The following PPP2R5B variants were observed in gnomAD, a reference collection of about 807,000 sequenced individuals.
The protein encoded by PPP2R5B is protein phosphatase 2 regulatory subunit B'beta, also known as serine/threonine-protein phosphatase 2A 56 kDa regulatory subunit beta isoform.
Under a neutral mutation model 59.9 loss-of-function variants are expected in PPP2R5B, and 19 were observed. The observed-to-expected ratio is 0.32, with a 90% confidence interval of 0.22 to 0.47. PPP2R5B has a LOEUF of 0.47. PPP2R5B is among the 20% of genes least tolerant of loss of function. PPP2R5B has a pLI of 1.00. For missense variants in PPP2R5B, 441 were observed against 640.2 expected (o/e 0.69, Z 3.36); for synonymous variants, 286 against 260.5 (o/e 1.10, Z -0.94).
At chr11:64,919,706 G>A (rs748243243), upstream of PPP2R5B, among the ~76,000 whole-genome samples, 11 of 150,154 alleles carry the variant, frequency 7.3e-5, no homozygotes, top group South Asian at 4.3e-4. Flanking sequence ...GGTGACAGAC[G>A]GAGATCTTGT....
Position 64,925,785 on chromosome 11 carries a change from CGGG to C in PPP2R5B, c.52_54del (p.Gly18del). 1 of 1,588,610 alleles carries C rather than the reference CGGG, an allele frequency of 6.3e-7. No homozygotes were observed. On this transcript the variant is annotated inframe_deletion, in exon 2 of 14. Transcript: ENST00000164133. This position sits in a 1 kb window ranked among gnomAD's most constrained non-coding sequence, Gnocchi z 4.6. ...GCACCCCCACTAGCCCCTCCTCCCC[CGGG>C]CTGTCGCCTGTGCCCCCACCCGACA...
In PPP2R5B at chr11:64,931,881, A is replaced by T; in HGVS notation, c.1116+13A>T. 1 of 1,613,454 alleles carries T rather than the reference A, an allele frequency of 6.2e-7. No homozygotes were observed. The highest frequency in any genetic ancestry group is 8.5e-7 in the Non-Finnish European group (1 of 1,179,806). ...CCCCCATTTCCAGGTATGAGGCAGG[A>T]CAGGCGGGGATGGGAGCAGGGCTGG... On this transcript the variant is annotated intron_variant, in intron 11 of 13. Coordinates refer to ENST00000164133, the MANE Select transcript of PPP2R5B (RefSeq NM_006244.4). This position sits in a 1 kb window ranked among gnomAD's most constrained non-coding sequence, Gnocchi z 5.0.
intron 12 of PPP2R5B, 92 bp from the exon 13 acceptor site, chr11:64,933,053 C>T (rs1167511789): frequency 1.3e-6 from 2 of 1,487,122 alleles, no homozygotes; most frequent in East Asian, 4.5e-5. Flanking sequence ...TGCTTGTGTT[C>T]AGGTGGAATG....
At chr11:64,924,086 A>T (rs1249778950), upstream of PPP2R5B, 2 of 152,062 alleles carry the variant, frequency 1.3e-5, no homozygotes, top group African/African-American at 4.8e-5. Flanking sequence ...GGGCTTTGCC[A>T]CTCCAAGACT....
Position 64,925,777 on chromosome 11 carries a change from T to G in PPP2R5B, c.43T>G (p.Ser15Ala). ...LPPASTPTSP[S>A]SPGLSPVPPP... is the part of the protein sequence containing the mutation. Reference sequence around the variant, plus strand: ...CCCTGCAAGCACCCCCACTAGCCCCTCCTCCCCCGGGCTGTCGCCTGTGCC... The same window carrying G: ...CCCTGCAAGCACCCCCACTAGCCCCGCCTCCCCCGGGCTGTCGCCTGTGCC... The change falls in exon 2 of 14, where the codon TCC (serine) becomes GCC (alanine). Residue 15 changes from serine (S) to alanine (A), a missense_variant. Coordinates refer to ENST00000164133, the MANE Select transcript of PPP2R5B (RefSeq NM_006244.4). The surrounding 1 kb of genome is among the most constrained non-coding windows in gnomAD (Gnocchi z 4.6). The G allele has an allele frequency of 5.4e-5, 42 of 776,438 alleles. No homozygotes were observed. Among genetic ancestry groups the G allele is most frequent in the Non-Finnish European group, 6.3e-5 (37 of 583,144 alleles). The allele number at this position is 776,438 out of a possible 1,614,324, so 48.1% of individuals were successfully genotyped here.
chr11:64,932,800 G>A lies in PPP2R5B; in HGVS notation c.1152G>A (p.Glu384=). Residue 384 remains glutamate (E), a synonymous_variant, in exon 12 of 14, where the codon GAG becomes GAA. Transcript: ENST00000164133. ...GGGCTCTGTATTTCTGGAACAATGA[G>A]TATATCCTAAGCCTCATTGAGGACA... is the stretch of plus-strand genomic sequence containing the variant. ...AERALYFWNN[E]YILSLIEDNC... The A allele has an allele frequency of 6.2e-7, 1 of 1,614,074 alleles. No individual in the cohort carries two copies. The highest frequency in any genetic ancestry group is 8.5e-7 in the Non-Finnish European group (1 of 1,180,002).
At position 64,928,394 on chromosome 11, in the gene PPP2R5B, A is replaced by G. The variant is rs759399865; in HGVS notation, c.691A>G (p.Ile231Val). ...YGKFLGLRAY[I>V]RKQCNHIFLR... Reference sequence around the variant, plus strand: ...CAAGTTCCTGGGTCTCCGGGCCTACATCCGCAAACAGTGCAACCACATCTT... The same window carrying G: ...CAAGTTCCTGGGTCTCCGGGCCTACGTCCGCAAACAGTGCAACCACATCTT... Residue 231 changes from isoleucine (I) to valine (V), a missense_variant, in exon 6 of 14, where the codon ATC (isoleucine) becomes GTC (valine). Ile to Val is a conservative substitution (Grantham distance 29). This residue lies in a region of PPP2R5B where 268 missense variants were observed against 488.1 expected (regional missense o/e 0.55). Coordinates refer to ENST00000164133, the MANE Select transcript of PPP2R5B (RefSeq NM_006244.4). 3 of 1,614,240 alleles carry G rather than the reference A, an allele frequency of 1.9e-6. No individual in the cohort carries two copies. In the East Asian group the frequency reaches 6.7e-5, roughly 36 times the overall value.
chr11:64,924,737 G>A lies in PPP2R5B; in HGVS notation c.-556G>A, dbSNP rs1388934784. The A allele has an allele frequency of 6.6e-6, 1 of 152,290 alleles. No individual in the cohort carries two copies. Among genetic ancestry groups the A allele is most frequent in the East Asian group, 1.9e-4 (1 of 5,184 alleles). The allele number at this position is 152,290 out of a possible 1,614,324, so 9.4% of individuals were successfully genotyped here. A position where few individuals can be genotyped will look rare whatever the true frequency, so the allele number is the denominator to read the frequency against. Reference sequence around the variant, plus strand: ...GGCGGGTGCCGGTGCGCACGGAGCCGAGCCGGGGCTCCCGTTGCGCTGCAC... The same window carrying A: ...GGCGGGTGCCGGTGCGCACGGAGCCAAGCCGGGGCTCCCGTTGCGCTGCAC... On this transcript the variant is annotated 5_prime_UTR_variant, in exon 1 of 14. Transcript: ENST00000164133.
At chr11:64,920,821 G>A (rs1304239427), upstream of PPP2R5B, among the ~76,000 whole-genome samples, 2 of 151,546 alleles carry the variant, frequency 1.3e-5, no homozygotes, top group Non-Finnish European at 1.5e-5. Context: ...GTAGAGATGG[G>A]GTTTCACCGT....
Position 64,926,866 on chromosome 11 carries a change from G to A in PPP2R5B, c.354G>A (p.Arg118=), listed in dbSNP as rs1945170345. The A allele has an allele frequency of 3.1e-6, 5 of 1,614,168 alleles. No homozygotes were observed. In the Admixed American group the frequency reaches 6.7e-5, roughly 22 times the overall value. The change falls in exon 3 of 14, where the codon CGG becomes CGA. Residue 118 remains arginine, a synonymous_variant. Coordinates refer to ENST00000164133, the MANE Select transcript of PPP2R5B (RefSeq NM_006244.4). Reference sequence around the variant, plus strand: ...TGGTGGAGTGTGTGGGGAGCACCCGGGGTGTCCTCATCGAGCCCGTCTACC... The same window carrying A: ...TGGTGGAGTGTGTGGGGAGCACCCGAGGTGTCCTCATCGAGCCCGTCTACC... ...NELVECVGST[R]GVLIEPVYPD... is the part of the protein sequence containing the mutation.
At position 64,931,544 on chromosome 11, in the gene PPP2R5B, T is replaced by TC; in HGVS notation, c.946-14dup. 6.2e-7 allele frequency: 1 copy of TC among 1,614,108 alleles called. No homozygotes were observed. Among genetic ancestry groups the TC allele is most frequent in the Non-Finnish European group, 8.5e-7 (1 of 1,179,998 alleles). Reference sequence around the variant, plus strand: ...CTCACCTCTGCAGGCGTGACTCCTGTCTCATCTCCCACAGGTGATCCGGGG... The same window carrying TC: ...CTCACCTCTGCAGGCGTGACTCCTGTCCTCATCTCCCACAGGTGATCCGGGG... On this transcript the variant is annotated splice_polypyrimidine_tract_variant and intron_variant, in intron 9 of 13. Coordinates refer to ENST00000164133, the MANE Select transcript of PPP2R5B (RefSeq NM_006244.4). The surrounding 1 kb of genome is among the most constrained non-coding windows in gnomAD (Gnocchi z 5.0).
At chr11:64,918,337 G>C (rs543491726) in intron 1 of PPP2R5B, 4 of 152,332 alleles carry the variant, frequency 2.6e-5, no homozygotes, top group African/African-American at 9.6e-5. Context: ...GGCGACTTCA[G>C]GAACAGCCAT....
At chr11:64,924,152 G>C (rs1046432041), upstream of PPP2R5B, 2 of 152,270 alleles carry the variant, frequency 1.3e-5, no homozygotes. Flanking sequence ...ACGGGAGGGG[G>C]ACTGCAGGCC....
chr11:64,932,312 G>A (rs1945235368), intron 11 of PPP2R5B, among the ~76,000 whole-genome samples: 1 of 152,200 alleles, frequency 6.6e-6, no homozygotes, highest in South Asian at 2.1e-4. Context: ...ACTAACTCAT[G>A]TTCTGCTGCA....
upstream of PPP2R5B, among the ~76,000 whole-genome samples, chr11:64,923,875 G>A (rs1224181040): frequency 6.6e-6 from 1 of 152,126 alleles, no homozygotes; most frequent in Non-Finnish European, 1.5e-5. Context: ...GGGGGCCCAG[G>A]ACTGCAGGCT....
rs1183258531 is a variant in PPP2R5B at position 64,926,770 on chromosome 11, G to C, written c.258G>C (p.Val86=). The C allele has an allele frequency of 1.2e-6, 2 of 1,614,128 alleles. No homozygotes were observed. Among genetic ancestry groups the C allele is most frequent in the Non-Finnish European group, 1.7e-6 (2 of 1,180,046 alleles). Residue 86 remains valine, a synonymous_variant, in exon 3 of 14, where the codon GTG becomes GTC. Transcript: ENST00000164133. ...GCCGGAAGCTGGCCCAGTGTGGGGT[G>C]ATGTTTGACTTCTTGGACTGTGTGG... The part of the protein sequence containing the change: ...LLSRKLAQCG[V]MFDFLDCVAD...
chr11:64,920,528 C>T (rs998731801), upstream of PPP2R5B, among the ~76,000 whole-genome samples: 2 of 152,150 alleles, frequency 1.3e-5, no homozygotes, highest in African/African-American at 4.8e-5. Context: ...AAAAAATCCT[C>T]GCACAGTAAA....
chr11:64,925,617 C>CCG lies in PPP2R5B; in HGVS notation c.-117_-116insGC, dbSNP rs977878803. The CCG allele has an allele frequency of 7.2e-6, 4 of 551,848 alleles. 1 individual carries two copies. Among genetic ancestry groups the CCG allele is most frequent in the South Asian group, 2.0e-5 (1 of 49,264 alleles). 34.2% of individuals were successfully genotyped at this position (551,848 alleles called of 1,614,324 possible). A position where few individuals can be genotyped will look rare whatever the true frequency, so the allele number is the denominator to read the frequency against. ...GGGGGCCCAGGACTGTGGTTGTGCC[C>CCG]CCCCCCCAAAGGCCGGACAGGATGG... is the stretch of plus-strand genomic sequence containing the variant. On this transcript the variant is annotated 5_prime_UTR_variant, in exon 2 of 14. Coordinates refer to ENST00000164133, the MANE Select transcript of PPP2R5B (RefSeq NM_006244.4). This position sits in a 1 kb window ranked among gnomAD's most constrained non-coding sequence, Gnocchi z 4.6.
upstream of PPP2R5B, among the ~76,000 whole-genome samples, chr11:64,922,497 AC>A (rs1945118770): frequency 2.0e-5 from 3 of 151,594 alleles, no homozygotes; most frequent in Admixed American, 1.3e-4. Flanking sequence ...CAAAAAACAA[AC>A]AAACAAAAAA....
Sources: gnomAD v4.1 joint callset for allele counts (sites outside exome capture counted in the v4.1 genomes callset) on GRCh38, gnomAD v4.1.1 for gene constraint, gnomAD v4.1.1 regional missense constraint, Gnocchi (gnomAD v3.1) non-coding constraint, MANE v1.5 for transcripts, NCBI Gene and HGNC (gene_info 2026-07-23, HGNC 2026-07-21) for gene names.